Variants in KIFAP3 observed in about 807,000 individuals in gnomAD.
The protein encoded by KIFAP3 is kinesin associated protein 3, also known as kinesin-associated protein 3.
Under a neutral mutation model 106.5 loss-of-function variants are expected in KIFAP3, and 68 were observed. That is an observed-to-expected ratio of 0.64 (90% CI 0.53 to 0.78). KIFAP3 has a LOEUF of 0.78. KIFAP3 is among the 30% of genes least tolerant of loss of function. KIFAP3 has a pLI of 0.00. For missense variants in KIFAP3, 780 were observed against 941.8 expected, an observed-to-expected ratio of 0.83 and a Z score of 2.25; for synonymous variants, 320 against 311.5, an observed-to-expected ratio of 1.03 and a Z score of -0.29.
At chr1:169,947,278 C>T (rs1367788614) in intron 19 of KIFAP3, among the ~76,000 whole-genome samples, 1 of 151,876 alleles carries the variant, frequency 6.6e-6, no homozygotes, top group Non-Finnish European at 1.5e-5. Flanking sequence ...TTGCACAGAT[C>T]TGAGTATTTT....
intron 19 of KIFAP3, among the ~76,000 whole-genome samples, chr1:169,937,572 G>T (rs1402523961): frequency 6.6e-6 from 1 of 151,522 alleles, no homozygotes; most frequent in African/African-American, 2.4e-5. Context: ...TTAAGCTATT[G>T]GACTATGAAA....
At chr1:169,939,367 A>G (rs1377146001) in intron 19 of KIFAP3, among the ~76,000 whole-genome samples, 9 of 152,198 alleles carry the variant, frequency 5.9e-5, no homozygotes. Context: ...TTAAAGCTTG[A>G]ACTACTAGGT....
chr1:170,009,388 G>A (rs1668134565), intron 10 of KIFAP3, among the ~76,000 whole-genome samples: 2 of 152,156 alleles, frequency 1.3e-5, no homozygotes, highest in African/African-American at 2.4e-5. Context: ...TTGTCCAAAA[G>A]AGTTCACCAG....
intron 1 of KIFAP3, among the ~76,000 whole-genome samples, 180 bp from the exon 2 acceptor site, chr1:170,055,616 A>ATG (rs1158402123): frequency 6.6e-6 from 1 of 152,134 alleles, no homozygotes; most frequent in Non-Finnish European, 1.5e-5. Flanking sequence ...ATATGTATAT[A>ATG]TGTGTGTATA....
chr1:170,034,317 C>T (rs1459473753), intron 7 of KIFAP3, 55 bp downstream of exon 7: 2 of 1,547,978 alleles, frequency 1.3e-6, no homozygotes, highest in Admixed American at 2.1e-5. Context: ...TCCCACCCAT[C>T]CAAAACTTAA....
intron 19 of KIFAP3, among the ~76,000 whole-genome samples, chr1:169,939,445 A>G (rs1487084750): frequency 6.6e-6 from 1 of 152,208 alleles, no homozygotes; most frequent in East Asian, 1.9e-4. Flanking sequence ...TGAGAAATCA[A>G]AAGTTAAGTT....
intron 16 of KIFAP3, 79 bp from the exon 17 acceptor site, chr1:169,972,677 T>C (rs1665981641): frequency 1.6e-6 from 1 of 636,452 alleles, no homozygotes; most frequent in African/African-American, 1.9e-5. Flanking sequence ...CTCATATTTT[T>C]CTAAATCTAA....
chr1:170,061,114 T>C (rs377569215), intron 1 of KIFAP3, among the ~76,000 whole-genome samples: 1 of 152,242 alleles, frequency 6.6e-6, no homozygotes, highest in Admixed American at 6.5e-5. Flanking sequence ...AAGGACTTCA[T>C]GTTTAAAACA....
intron 2 of KIFAP3, among the ~76,000 whole-genome samples, chr1:170,047,304 A>AT (rs986430570): frequency 7.2e-5 from 11 of 151,960 alleles, no homozygotes; most frequent in African/African-American, 2.7e-4. Flanking sequence ...GGTGGTAACT[A>AT]TATAGAAGGT....
intron 15 of KIFAP3, among the ~76,000 whole-genome samples, chr1:169,980,434 T>C (rs1666459724): frequency 6.6e-6 from 1 of 152,166 alleles, no homozygotes; most frequent in Non-Finnish European, 1.5e-5. Flanking sequence ...CAGATAAATT[T>C]TGTATGCAAT....
intron 18 of KIFAP3, 61 bp from the exon 19 acceptor site, chr1:169,954,171 A>C: frequency 3.2e-6 from 3 of 923,660 alleles, no homozygotes; most frequent in Non-Finnish European, 5.3e-6. Flanking sequence ...CTGTCTATCA[A>C]GCAATACAAT....
chr1:170,030,317 G>A (rs1160289507), intron 8 of KIFAP3, among the ~76,000 whole-genome samples: 1 of 151,858 alleles, frequency 6.6e-6, no homozygotes, highest in East Asian at 1.9e-4. Flanking sequence ...AAGCACATCA[G>A]GAGATGCTCA....
At chr1:169,926,932 G>A (rs1017182380) in intron 19 of KIFAP3, among the ~76,000 whole-genome samples, 1 of 152,090 alleles carries the variant, frequency 6.6e-6, no homozygotes, top group Non-Finnish European at 1.5e-5. Flanking sequence ...AGCTGTTATA[G>A]GAAGAAACTT....
chr1:170,022,242 C>T (rs1668878924), intron 9 of KIFAP3, among the ~76,000 whole-genome samples: 2 of 151,972 alleles, frequency 1.3e-5, no homozygotes, highest in South Asian at 4.1e-4. Context: ...AGTCATCCTG[C>T]CCAGCCCTCC....
At chr1:170,084,350 T>C (rs1672069235) in intron 1 of KIFAP3, among the ~76,000 whole-genome samples, 1 of 152,222 alleles carries the variant, frequency 6.6e-6, no homozygotes. Context: ...AGGCATAAAA[T>C]CATGGATGTC....
intron 10 of KIFAP3, among the ~76,000 whole-genome samples, chr1:170,002,399 C>T (rs1275042274): frequency 6.6e-6 from 1 of 152,174 alleles, no homozygotes; most frequent in Non-Finnish European, 1.5e-5. Context: ...TCTAACATTA[C>T]TGACTAAAAA....
chr1:170,001,902 T>C (rs553067678), intron 10 of KIFAP3, among the ~76,000 whole-genome samples: 1 of 152,266 alleles, frequency 6.6e-6, no homozygotes, highest in Non-Finnish European at 1.5e-5. Flanking sequence ...TCATTCTTTA[T>C]GATGCTGTTG....
chr1:170,032,170 T>C, intron 7 of KIFAP3, 186 bp from the exon 8 acceptor site: 1 of 487,798 alleles, frequency 2.1e-6, no homozygotes, highest in Non-Finnish European at 3.7e-6. Context: ...ATTTAAGTGC[T>C]CATGGATTCC....
chr1:169,936,613 CCTA>C (rs944151384), intron 19 of KIFAP3, among the ~76,000 whole-genome samples: 2 of 151,624 alleles, frequency 1.3e-5, no homozygotes, highest in East Asian at 1.9e-4. Flanking sequence ...AAAATCTGAA[CCTA>C]CTTACTTTTT....
Sources: gnomAD v4.1 joint callset for allele counts (sites outside exome capture counted in the v4.1 genomes callset) on GRCh38, gnomAD v4.1.1 for gene constraint, MANE v1.5 for transcripts, NCBI Gene and HGNC (gene_info 2026-07-23, HGNC 2026-07-21) for gene names.